Variants in GRK1 observed in about 807,000 individuals in gnomAD.
The protein encoded by GRK1 is rhodopsin kinase GRK1.
A neutral mutation model predicts 41.7 loss-of-function variants in GRK1; 28 were observed. That is an observed-to-expected ratio of 0.67 (90% confidence interval 0.50 to 0.92). The LOEUF (loss-of-function observed/expected upper bound fraction) is 0.92. Among genes scored for constraint, GRK1 ranks in the 40% least tolerant of loss-of-function variants. GRK1 has a pLI of 0.00. For synonymous variants in GRK1, 327 were observed against 286.7 expected (o/e 1.14, Z -1.42); for missense variants, 703 against 671.2 (o/e 1.05, Z -0.52).
Position 113,731,150 on chromosome 13 carries a change from G to A in GRK1, c.1070-69G>A. The A allele has an allele frequency of 6.6e-7, 1 of 1,507,484 alleles. No individual in the cohort carries two copies. Among genetic ancestry groups the A allele is most frequent in the Non-Finnish European group, 8.9e-7 (1 of 1,128,158 alleles). 93.4% of individuals were successfully genotyped at this position (1,507,484 alleles called of 1,614,324 possible). On this transcript the variant is annotated intron_variant, in intron 4 of 6. Coordinates refer to ENST00000335678, the MANE Select transcript of GRK1 (RefSeq NM_002929.3). The surrounding 1 kb of genome is among the most constrained non-coding windows in gnomAD (Gnocchi z 5.6). Reference sequence around the variant, plus strand: ...GATGCATCCCCAGAGCATCAGTCCTGCGATTCCTGGAGTGCGTGCCCACCA... The same window carrying A: ...GATGCATCCCCAGAGCATCAGTCCTACGATTCCTGGAGTGCGTGCCCACCA...
intron 4 of GRK1, among the ~76,000 whole-genome samples, chr13:113,724,527 C>T (rs138289137): frequency 0.012 from 1,861 of 152,260 alleles, 22 homozygotes; most frequent in Non-Finnish European, 0.019. Context: ...ATCCTCGCTC[C>T]AGCTGGACTT....
At chr13:113,669,104 C>T (rs1465518700) in intron 1 of GRK1, among the ~76,000 whole-genome samples, 2 of 152,244 alleles carry the variant, frequency 1.3e-5, no homozygotes. Context: ...TCCTGACTTC[C>T]GTCACCAAAC....
At chr13:113,656,963 C>T in the GRK1 span, among the ~76,000 whole-genome samples, 1 of 152,154 alleles carries the variant, frequency 6.6e-6, no homozygotes, top group Non-Finnish European at 1.5e-5. Context: ...CCAGGAGGCC[C>T]TTCTGCCCCC....
At chr13:113,654,097 C>A in the GRK1 span, among the ~76,000 whole-genome samples, 1 of 152,228 alleles carries the variant, frequency 6.6e-6, no homozygotes, top group Non-Finnish European at 1.5e-5. Flanking sequence ...TCACCTCATT[C>A]TTTCCATAAA....
intron 4 of GRK1, among the ~76,000 whole-genome samples, chr13:113,725,052 G>T (rs919597391): frequency 2.6e-5 from 4 of 152,382 alleles, no homozygotes; most frequent in Admixed American, 2.0e-4. Flanking sequence ...AGCAGGGCTG[G>T]GCTCAGGCTG....
intron 4 of GRK1, among the ~76,000 whole-genome samples, chr13:113,728,032 T>G (rs1594576579): frequency 1.6e-5 from 1 of 62,204 alleles, no homozygotes; most frequent in East Asian, 4.4e-4. Context: ...CCCATGGCGA[T>G]GAGGAGTACC....
At chr13:113,654,866 C>T in the GRK1 span, 1 of 1,614,010 alleles carries the variant, frequency 6.2e-7, no homozygotes, top group East Asian at 2.2e-5. Flanking sequence ...CCACTGTCTG[C>T]ATCAGCACAT....
the GRK1 span, chr13:113,653,238 C>T: frequency 2.4e-5 from 33 of 1,353,748 alleles, no homozygotes; most frequent in South Asian, 1.5e-4. Context: ...CTCACCCACC[C>T]GCCGCTTCAC....
At chr13:113,660,591 G>T in the GRK1 span, among the ~76,000 whole-genome samples, 1 of 152,250 alleles carries the variant, frequency 6.6e-6, no homozygotes, top group East Asian at 1.9e-4. Flanking sequence ...AAAGCTGGGT[G>T]TTTTGGCTCA....
intron 4 of GRK1, among the ~76,000 whole-genome samples, chr13:113,728,787 C>G (rs887619939): frequency 6.6e-6 from 1 of 152,198 alleles, no homozygotes; most frequent in African/African-American, 2.4e-5. Flanking sequence ...GGCCTCGAAC[C>G]TCATCCCTAT....
At chr13:113,732,840 G>C (rs2049946712) in intron 5 of GRK1, 44 bp from the exon 6 acceptor site, 5 of 1,498,706 alleles carry the variant, frequency 3.3e-6, no homozygotes, top group Non-Finnish European at 4.4e-6. Flanking sequence ...GACCACCCAA[G>C]AGAGGCGGGT....
At chr13:113,732,200 C>G (rs938908036) in intron 5 of GRK1, among the ~76,000 whole-genome samples, 1 of 152,202 alleles carries the variant, frequency 6.6e-6, no homozygotes, top group Non-Finnish European at 1.5e-5. Flanking sequence ...CCTTGAGGTG[C>G]GGCTCTTCCC....
chr13:113,728,162 T>TGAGGAATACCCATGGCGAG (rs2049905714), intron 4 of GRK1, among the ~76,000 whole-genome samples: 2 of 51,302 alleles, frequency 3.9e-5, no homozygotes, highest in Admixed American at 4.0e-4. Flanking sequence ...CCCATGGCGA[T>TGAGGAATACCCATGGCGAG]GAGGAATACC....
chr13:113,729,966 C>T (rs536635211), intron 4 of GRK1, among the ~76,000 whole-genome samples: 3 of 150,558 alleles, frequency 2.0e-5, no homozygotes, highest in African/African-American at 7.3e-5. Flanking sequence ...CAAACCCGCC[C>T]CTCCATCTGG....
the GRK1 span, chr13:113,651,651 C>T: frequency 1.1e-5 from 17 of 1,591,844 alleles, 1 homozygote; most frequent in South Asian, 9.0e-5. Flanking sequence ...CAGCCCTGCC[C>T]GCCGCGCGGC....
Position 113,669,511 on chromosome 13 carries a change from G to A in GRK1, c.700-176G>A, listed in dbSNP as rs75384094. 1,891 of 211,312 alleles carry A rather than the reference G, an allele frequency of 8.9e-3. 39 individuals are homozygous for A. Among genetic ancestry groups the A allele is most frequent in the African/African-American group, 0.041 (1,750 of 42,716 alleles). 13.1% of individuals were successfully genotyped at this position (211,312 alleles called of 1,614,324 possible). A position where few individuals can be genotyped will look rare whatever the true frequency, so the allele number is the denominator to read the frequency against. ...ACATGTCTGGTTTTCTGAAATGGGG[G>A]TGCAGGCATGTTTTGAAGTCATTTG... is the stretch of plus-strand genomic sequence containing the variant. On this transcript the variant is annotated intron_variant, in intron 1 of 6. Coordinates refer to ENST00000335678, the MANE Select transcript of GRK1 (RefSeq NM_002929.3).
chr13:113,669,904 C>T (rs2049845575), intron 2 of GRK1, 90 bp downstream of exon 2: 3 of 1,510,670 alleles, frequency 2.0e-6, no homozygotes, highest in African/African-American at 2.8e-5. Flanking sequence ...CAGGCAGAGC[C>T]ATGGTGGCCC....
upstream of GRK1, among the ~76,000 whole-genome samples, chr13:113,663,228 A>G (rs2049800280): frequency 6.6e-6 from 1 of 152,242 alleles, no homozygotes. Flanking sequence ...CGCAAAAGGA[A>G]TTCAATGAAG....
In GRK1 at chr13:113,732,931, G is replaced by A. The variant is rs1052121276; in HGVS notation, c.1242G>A (p.Lys414=). The part of the protein sequence containing the change: ...LKHRIISEPV[K]YPDKFSQASK... The stretch of plus-strand genomic sequence containing the variant: ...ACCGGATCATCTCAGAGCCCGTGAA[G>A]TACCCTGATAAGTTCAGCCAGGCCA... Residue 414 remains lysine, a synonymous_variant, in exon 6 of 7, where the codon AAG becomes AAA. Transcript: ENST00000335678. 5 of 1,536,814 alleles carry A rather than the reference G, an allele frequency of 3.3e-6. No individual in the cohort carries two copies. The highest frequency in any genetic ancestry group is 3.5e-6 in the Non-Finnish European group (4 of 1,146,910).
Sources: allele counts gnomAD v4.1 joint callset (sites outside exome capture counted in the v4.1 genomes callset), GRCh38; gene constraint gnomAD v4.1.1; non-coding constraint Gnocchi (gnomAD v3.1); transcripts MANE v1.5; gene names NCBI Gene and HGNC (gene_info 2026-07-23, HGNC 2026-07-21).